The following CCDC102B variants were observed in gnomAD, a reference collection of about 807,000 sequenced individuals.
The protein encoded by CCDC102B is coiled-coil domain containing 102B.
A neutral mutation model predicts 57.4 loss-of-function variants in CCDC102B; 75 were observed. That is an observed-to-expected ratio of 1.31 (90% CI 1.08 to 1.58). The LOEUF is 1.58. Ranked by LOEUF, CCDC102B falls within the 40% of genes most tolerant of loss-of-function variation. CCDC102B has a pLI of 0.00. For missense variants in CCDC102B, 636 were observed against 582.6 expected, an observed-to-expected ratio of 1.09 and a Z score of -0.94; for synonymous variants, 206 against 201.9, an observed-to-expected ratio of 1.02 and a Z score of -0.17.
chr18:68,860,866 T>C (rs1284294951), intron 4 of CCDC102B, among the ~76,000 whole-genome samples: 3 of 145,816 alleles, frequency 2.1e-5, no homozygotes, highest in Non-Finnish European at 4.5e-5. Flanking sequence ...GTTAGGAAGG[T>C]AGGAATTTTT....
At chr18:68,893,969 G>A (rs2040161888) in intron 5 of CCDC102B, among the ~76,000 whole-genome samples, 1 of 151,896 alleles carries the variant, frequency 6.6e-6, no homozygotes, top group South Asian at 2.1e-4. Context: ...CTTGCTTTCT[G>A]TGCTTGGTAC....
chr18:68,896,650 A>G (rs928351618), intron 5 of CCDC102B, among the ~76,000 whole-genome samples: 1 of 151,912 alleles, frequency 6.6e-6, no homozygotes, highest in African/African-American at 2.4e-5. Flanking sequence ...TAATGTTGAA[A>G]ATGTTTTAAT....
chr18:68,987,730 C>A (rs2050760080), intron 6 of CCDC102B, among the ~76,000 whole-genome samples: 1 of 151,556 alleles, frequency 6.6e-6, no homozygotes. Context: ...AAAAAGTGGG[C>A]AAAAGACATG....
chr18:68,960,784 C>T (rs2050025960), intron 6 of CCDC102B, among the ~76,000 whole-genome samples: 1 of 152,178 alleles, frequency 6.6e-6, no homozygotes, highest in Non-Finnish European at 1.5e-5. Context: ...TGCACTGTGA[C>T]AGGAAAGCAC....
At chr18:68,802,431 A>G (rs1568258481) in intron 1 of CCDC102B, among the ~76,000 whole-genome samples, 1 of 152,208 alleles carries the variant, frequency 6.6e-6, no homozygotes, top group African/African-American at 2.4e-5. Context: ...TTAATGCTAT[A>G]TGAATTTACT....
Position 69,010,532 on chromosome 18 carries a change from G to C in CCDC102B, c.1264-402G>C, listed in dbSNP as rs557882447. 1.6e-3 allele frequency among the ~76,000 whole-genome samples: 245 copies of C among 152,190 alleles called. 1 individual carries two copies. Among genetic ancestry groups the C allele is most frequent in the African/African-American group, 4.5e-3 (187 of 41,538 alleles). ...AGCCTCACAAAACCTATTTTCTTCA[G>C]AAAATAATTAAATCATGTAGTGTGC... On this transcript the variant is annotated intron_variant, in intron 6 of 7. Coordinates refer to ENST00000360242, the MANE Select transcript of CCDC102B (RefSeq NM_024781.3).
chr18:68,865,640 C>T (rs1005537514), intron 4 of CCDC102B, among the ~76,000 whole-genome samples: 8 of 152,218 alleles, frequency 5.3e-5, no homozygotes, highest in East Asian at 1.9e-4. Flanking sequence ...AGGGCATACT[C>T]GTCTCTTTTT....
intron 3 of CCDC102B, among the ~76,000 whole-genome samples, chr18:68,840,027 C>A (rs2037559222): frequency 6.6e-6 from 1 of 151,984 alleles, no homozygotes; most frequent in South Asian, 2.1e-4. Flanking sequence ...TCATAAAGAT[C>A]AAGAACAAAT....
intron 6 of CCDC102B, among the ~76,000 whole-genome samples, chr18:68,984,164 G>C (rs1449729539): frequency 6.7e-6 from 1 of 149,680 alleles, no homozygotes; most frequent in Non-Finnish European, 1.5e-5. Context: ...TTGCAACAAA[G>C]ATGCTCAAAA....
At chr18:68,935,150 T>A (rs1052084192) in intron 6 of CCDC102B, among the ~76,000 whole-genome samples, 1 of 151,974 alleles carries the variant, frequency 6.6e-6, no homozygotes, top group Non-Finnish European at 1.5e-5. Context: ...GCCATGGTCA[T>A]GACTTGGGGA....
At chr18:68,952,870 AAC>A (rs1404567507) in intron 6 of CCDC102B, among the ~76,000 whole-genome samples, 2 of 152,166 alleles carry the variant, frequency 1.3e-5, no homozygotes, top group African/African-American at 4.8e-5. Context: ...TTTATGAATC[AAC>A]AATTCAGTAC....
At chr18:68,844,365 A>C (rs2037764628) in intron 3 of CCDC102B, among the ~76,000 whole-genome samples, 1 of 150,446 alleles carries the variant, frequency 6.6e-6, no homozygotes, top group Admixed American at 6.6e-5. Flanking sequence ...ACACAAATGC[A>C]GTTAATTAAA....
chr18:68,928,268 G>A (rs2041546388), intron 6 of CCDC102B, among the ~76,000 whole-genome samples: 1 of 151,858 alleles, frequency 6.6e-6, no homozygotes, highest in South Asian at 2.1e-4. Context: ...TATCAGCATG[G>A]ATTTCAGAAT....
intron 2 of CCDC102B, among the ~76,000 whole-genome samples, chr18:68,788,966 A>G (rs1475275882): frequency 6.6e-6 from 1 of 152,158 alleles, no homozygotes; most frequent in Non-Finnish European, 1.5e-5. Flanking sequence ...AGCGGCTGGT[A>G]CTGGTTGTTC....
chr18:68,803,751 T>TTA (rs201334418), intron 1 of CCDC102B, among the ~76,000 whole-genome samples: 4,676 of 152,166 alleles, frequency 0.031, 225 homozygotes, highest in African/African-American at 0.11. Context: ...CACAATTACA[T>TTA]GGTCACCAAC....
intron 3 of CCDC102B, among the ~76,000 whole-genome samples, chr18:68,842,043 T>G (rs2037659132): frequency 6.6e-6 from 1 of 152,100 alleles, no homozygotes; most frequent in South Asian, 2.1e-4. Context: ...CCAGCCCATT[T>G]TGTCTTCTTA....
At chr18:69,001,972 A>T (rs2051214011) in intron 6 of CCDC102B, among the ~76,000 whole-genome samples, 1 of 152,166 alleles carries the variant, frequency 6.6e-6, no homozygotes, top group Non-Finnish European at 1.5e-5. Flanking sequence ...CTCAGGCCCA[A>T]GACCTAATTA....
At chr18:68,742,334 ATATTT>A (rs2033428340) in intron 2 of CCDC102B, among the ~76,000 whole-genome samples, 1 of 152,152 alleles carries the variant, frequency 6.6e-6, no homozygotes, top group South Asian at 2.1e-4. Flanking sequence ...AGCACCAGTC[ATATTT>A]GATTAAAGGC....
At chr18:68,982,531 G>A (rs1252931969) in intron 6 of CCDC102B, among the ~76,000 whole-genome samples, 1 of 151,890 alleles carries the variant, frequency 6.6e-6, no homozygotes, top group African/African-American at 2.4e-5. Context: ...AAGGCACTCT[G>A]ATTTGGATTG....
Sources: allele counts gnomAD v4.1 joint callset (sites outside exome capture counted in the v4.1 genomes callset), GRCh38; gene constraint gnomAD v4.1.1; transcripts MANE v1.5; gene names NCBI Gene and HGNC (gene_info 2026-07-23, HGNC 2026-07-21).